Variants in PNPLA3 observed in about 807,000 individuals in gnomAD.
PNPLA3 encodes the protein 1-acylglycerol-3-phosphate O-acyltransferase PNPLA3.
In PNPLA3, 42 loss-of-function variants were observed where a neutral mutation model predicts 43.1. That is an observed-to-expected ratio of 0.97 (90% CI 0.76 to 1.26). PNPLA3 has a LOEUF of 1.26. PNPLA3 is among the 50% of genes most tolerant of loss of function. The pLI, the probability that PNPLA3 is intolerant of heterozygous loss-of-function variation, is 0.00. For synonymous variants in PNPLA3, 272 were observed against 253.6 expected, an observed-to-expected ratio of 1.07 and a Z score of -0.69; for missense variants, 647 against 621.4, an observed-to-expected ratio of 1.04 and a Z score of -0.44.
At chr22:43,924,750 C>T (rs972458439) in intron 1 of PNPLA3, among the ~76,000 whole-genome samples, 22 of 152,114 alleles carry the variant, frequency 1.4e-4, no homozygotes, top group African/African-American at 5.1e-4. Flanking sequence ...CAGGTTCACG[C>T]CATTCTCCTG....
At chr22:43,933,472 A>C (rs2049974946) in intron 4 of PNPLA3, among the ~76,000 whole-genome samples, 1 of 152,058 alleles carries the variant, frequency 6.6e-6, no homozygotes, top group Non-Finnish European at 1.5e-5. Flanking sequence ...CTGAAGCCTC[A>C]GACTCCTGGG....
In PNPLA3 at chr22:43,937,202, C is replaced by T. The variant is rs762681701; in HGVS notation, c.909C>T (p.Asp303=). ...AVRLEGDELL[D]HLRLSILPWD... is the part of the protein sequence containing the mutation. Reference sequence around the variant, plus strand: ...GGCTGGAGGGAGATGAGCTGCTAGACCACCTGCGTCTCAGCATCCTGCCCT... The same window carrying T: ...GGCTGGAGGGAGATGAGCTGCTAGATCACCTGCGTCTCAGCATCCTGCCCT... The change falls in exon 6 of 9, where the codon GAC becomes GAT. Residue 303 remains aspartate (D), a synonymous_variant. Coordinates refer to ENST00000216180, the MANE Select transcript of PNPLA3 (RefSeq NM_025225.3). 5 of 1,614,160 alleles carry T rather than the reference C, an allele frequency of 3.1e-6. No homozygotes were observed. The highest frequency in any genetic ancestry group is 4.2e-6 in the Non-Finnish European group (5 of 1,180,038).
chr22:43,942,704 T>TTTTC (rs2050038856), intron 7 of PNPLA3, among the ~76,000 whole-genome samples: 2 of 143,072 alleles, frequency 1.4e-5, no homozygotes, highest in African/African-American at 2.6e-5. Context: ...CTTTTTTCTT[T>TTTTC]TTTTTTTTTT....
chr22:43,941,166 AAAATCAAATCACATGAAAG>A (rs1258962583), intron 7 of PNPLA3, among the ~76,000 whole-genome samples: 1 of 151,842 alleles, frequency 6.6e-6, no homozygotes, highest in Admixed American at 6.6e-5. Context: ...AAAAAAAAAA[AAAATCAAATCACATGAAAG>A]TAGAACATAG....
intron 1 of PNPLA3, among the ~76,000 whole-genome samples, chr22:43,926,040 G>T (rs1039208346): frequency 6.6e-6 from 1 of 152,222 alleles, no homozygotes; most frequent in Non-Finnish European, 1.5e-5. Flanking sequence ...AGGGCTCCAG[G>T]TTCCTGCTTT....
chr22:43,930,110 G>A (rs1041489008), intron 3 of PNPLA3, among the ~76,000 whole-genome samples: 1 of 152,142 alleles, frequency 6.6e-6, no homozygotes, highest in Non-Finnish European at 1.5e-5. Flanking sequence ...CGTGGCAGAG[G>A]GACTCGCATT....
intron 7 of PNPLA3, 49 bp downstream of exon 7, chr22:43,940,174 G>A (rs763431870): frequency 1.3e-6 from 2 of 1,561,362 alleles, no homozygotes; most frequent in South Asian, 2.2e-5. Context: ...TTGATATGAG[G>A]ATGAAACAAG....
rs534724476 is a variant in PNPLA3, at chr22:43,927,574, T to C, written c.420+407T>C. 4.6e-5 allele frequency among the ~76,000 whole-genome samples: 7 copies of C among 151,486 alleles called. No individual in the cohort carries two copies. In the East Asian group the frequency reaches 1.4e-3, roughly 30 times the overall value. ...CCCTGTGCCAGAGTGACATAAACTC[T>C]GTACACCTCCAGTGATTTGGTCCAT... On this transcript the variant is annotated intron_variant, in intron 2 of 8. Coordinates refer to ENST00000216180, the MANE Select transcript of PNPLA3 (RefSeq NM_025225.3).
At chr22:43,939,923 C>A (rs1603417038) in intron 6 of PNPLA3, 70 bp from the exon 7 acceptor site, 2 of 1,609,940 alleles carry the variant, frequency 1.2e-6, no homozygotes, top group East Asian at 4.5e-5. Context: ...AAATGCTAAG[C>A]ACCAACAGAG....
intron 1 of PNPLA3, 43 bp from the exon 2 acceptor site, chr22:43,926,892 C>A: frequency 6.4e-7 from 1 of 1,552,504 alleles, no homozygotes. Context: ...TATTACCATC[C>A]CAGTGTGGTA....
intron 5 of PNPLA3, among the ~76,000 whole-genome samples, chr22:43,936,311 G>A (rs2049995094): frequency 6.6e-6 from 1 of 152,142 alleles, no homozygotes; most frequent in African/African-American, 2.4e-5. Context: ...GTTATCTTGG[G>A]GGGCAAGGCT....
Position 43,939,995 on chromosome 22 carries a change from C to T in PNPLA3, c.982C>T (p.Leu328=), listed in dbSNP as rs367920030. ...DTLSPRLATA[L]SEEMKDKGGY... is the part of the protein sequence containing the mutation. Reference sequence around the variant, plus strand: ...TAGCTCCAAATTGTCTTTTTCAGCACTGAGTGAAGAAATGAAAGACAAAGG... The same window carrying T: ...TAGCTCCAAATTGTCTTTTTCAGCATTGAGTGAAGAAATGAAAGACAAAGG... The change falls in exon 7 of 9, where the codon CTG becomes TTG. Residue 328 remains leucine (L), a splice_region_variant and synonymous_variant. Coordinates refer to ENST00000216180, the MANE Select transcript of PNPLA3 (RefSeq NM_025225.3). 3.2e-5 allele frequency: 51 copies of T among 1,614,086 alleles called. No homozygotes were observed. The highest frequency in any genetic ancestry group is 4.1e-5 in the Non-Finnish European group (48 of 1,180,018).
At chr22:43,938,678 C>T (rs902914596) in intron 6 of PNPLA3, among the ~76,000 whole-genome samples, 3 of 152,240 alleles carry the variant, frequency 2.0e-5, no homozygotes, top group African/African-American at 7.2e-5. Flanking sequence ...CAGGCTCCGC[C>T]TCCAACACTG....
In PNPLA3 at chr22:43,926,808, C is replaced by T. The variant is rs2049925623; in HGVS notation, c.188-127C>T. 1.1e-5 allele frequency: 8 copies of T among 721,020 alleles called. No homozygotes were observed. In the South Asian group the frequency reaches 1.4e-4, roughly 13 times the overall value. The allele number at this position is 721,020 out of a possible 1,614,324, so 44.7% of individuals were successfully genotyped here. Reference sequence around the variant, plus strand: ...AAGGGCGTGATAGCCACATGTGGCTCCCATAGTAGACAGTACTGGTCTAGA... The same window carrying T: ...AAGGGCGTGATAGCCACATGTGGCTTCCATAGTAGACAGTACTGGTCTAGA... On this transcript the variant is annotated intron_variant, in intron 1 of 8. Coordinates refer to ENST00000216180, the MANE Select transcript of PNPLA3 (RefSeq NM_025225.3).
In PNPLA3 at chr22:43,946,371, A is replaced by G; in HGVS notation, c.1435A>G (p.Lys479Glu). The change falls in exon 9 of 9, where the codon AAG becomes GAG. Residue 479 changes from lysine to glutamate, a missense_variant. Coordinates refer to ENST00000216180, the MANE Select transcript of PNPLA3 (RefSeq NM_025225.3). ...CACCTTTCCCAGTTTTTCACTAGAGAAGAGTCTGTGAGTCACTTGAGGAGG... is the reference window on the plus strand; with the variant it reads ...CACCTTTCCCAGTTTTTCACTAGAGGAGAGTCTGTGAGTCACTTGAGGAGG... The part of the protein sequence containing the change: ...LSTFPSFSLE[K>E]SL The G allele has an allele frequency of 1.9e-6, 3 of 1,613,932 alleles. No individual in the cohort carries two copies. The highest frequency in any genetic ancestry group is 2.2e-5 in the South Asian group (2 of 91,072).
intron 4 of PNPLA3, among the ~76,000 whole-genome samples, chr22:43,934,119 C>A (rs2049978970): frequency 6.6e-6 from 1 of 151,820 alleles, no homozygotes; most frequent in South Asian, 2.1e-4. Context: ...GAGTTTGAGA[C>A]CAGCCTGGCC....
chr22:43,924,056 G>T lies in PNPLA3; in HGVS notation c.145G>T (p.Gly49Trp), dbSNP rs201221697. Residue 49 changes from glycine (G) to tryptophan (W), a missense_variant, in exon 1 of 9, where the codon GGG becomes TGG. Transcript: ENST00000216180. ...DARMLFGASAGALHCVGVLSG... is the reference protein window; with the variant it reads ...DARMLFGASAWALHCVGVLSG... ...GCGCATGTTGTTCGGCGCTTCGGCC[G>T]GGGCGTTGCACTGCGTCGGCGTCCT... 8 of 1,578,160 alleles carry T rather than the reference G, an allele frequency of 5.1e-6. No individual in the cohort carries two copies. Among genetic ancestry groups the T allele is most frequent in the Non-Finnish European group, 4.3e-6 (5 of 1,171,466 alleles).
At chr22:43,933,907 G>A (rs893065080) in intron 4 of PNPLA3, among the ~76,000 whole-genome samples, 10 of 152,192 alleles carry the variant, frequency 6.6e-5, no homozygotes, top group African/African-American at 1.7e-4. Flanking sequence ...TGGTTTTCCC[G>A]TGTGCTTTAT....
In PNPLA3 at chr22:43,932,896, G is replaced by A. The variant is rs2049970536; in HGVS notation, c.505G>A (p.Val169Met). The A allele has an allele frequency of 6.2e-7, 1 of 1,614,222 alleles. No individual in the cohort carries two copies. The highest frequency in any genetic ancestry group is 8.5e-7 in the Non-Finnish European group (1 of 1,180,034). ...FRGVRYVDGG[V>M]SDNVPFIDAK... ...TTAAAAGCGATATGTGGATGGAGGA[G>A]TGAGTGACAACGTACCCTTCATTGA... Residue 169 changes from valine (V) to methionine (M), a missense_variant, in exon 4 of 9, where the codon GTG becomes ATG. By Grantham distance (21) the Val-to-Met change is conservative (BLOSUM62 1). Transcript: ENST00000216180.
Sources: allele counts gnomAD v4.1 joint callset (sites outside exome capture counted in the v4.1 genomes callset), GRCh38; gene constraint gnomAD v4.1.1; transcripts MANE v1.5; gene names NCBI Gene and HGNC (gene_info 2026-07-23, HGNC 2026-07-21).